The following AFF2 variants were observed in gnomAD, a reference collection of about 807,000 sequenced individuals.
The protein encoded by AFF2 is ALF transcription elongation factor 2, also known as AF4/FMR2 family member 2.
A neutral mutation model predicts 76.9 loss-of-function variants in AFF2; 14 were observed. The observed-to-expected ratio is 0.18, with a 90% CI of 0.12 to 0.28. AFF2 has a LOEUF of 0.28. AFF2 is among the 10% of genes least tolerant of loss of function. AFF2 has a pLI of 1.00. For missense variants in AFF2, 868 were observed against 1,001.1 expected (o/e 0.87, Z 1.79); for synonymous variants, 398 against 366.7 (o/e 1.09, Z -0.98).
intron 3 of AFF2, among the ~76,000 whole-genome samples, chrX:148,780,606 T>C (rs2069730250): frequency 1.8e-5 from 2 of 111,953 alleles, no homozygotes; most frequent in Admixed American, 9.5e-5. Context: ...ATAAGGTCAT[T>C]TATGTTCTTC....
At chrX:148,748,480 C>T (rs2055453401) in intron 3 of AFF2, among the ~76,000 whole-genome samples, 1 of 111,969 alleles carries the variant, frequency 8.9e-6, no homozygotes, top group Admixed American at 9.5e-5. Context: ...AGCTTAAATA[C>T]TCCCGAAGAG....
intron 8 of AFF2, among the ~76,000 whole-genome samples, chrX:148,895,124 T>G (rs1041698067): frequency 1.8e-5 from 2 of 111,034 alleles, no homozygotes; most frequent in Non-Finnish European, 3.8e-5. Flanking sequence ...CCCTGTAGCC[T>G]TTTCCGAGTG....
chrX:148,668,108 G>A (rs1379205895), intron 3 of AFF2, among the ~76,000 whole-genome samples: 1 of 113,030 alleles, frequency 8.8e-6, no homozygotes, highest in Non-Finnish European at 1.9e-5. Context: ...CAGGCCCCAT[G>A]CAAGTCCAAA....
At position 148,662,010 on chromosome X, in the gene AFF2, G is replaced by A; in HGVS notation, c.283G>A (p.Val95Met). 1.7e-6 allele frequency: 2 copies of A among 1,210,261 alleles called. No individual in the cohort carries two copies. The highest frequency in any genetic ancestry group is 2.2e-6 in the Non-Finnish European group (2 of 894,132). ...TAACCATTCTAATCAGAATCACCTA[G>A]TGGGAATTCCAAAGAATTCTGTGCC... ...LTNHSNQNHL[V>M]GIPKNSVPQN... The change falls in exon 3 of 21, where the codon GTG (valine) becomes ATG (methionine). Residue 95 changes from valine to methionine, a missense_variant. Physicochemically the swap from Val to Met is conservative, Grantham distance 21. Coordinates refer to ENST00000370460, the MANE Select transcript of AFF2 (RefSeq NM_002025.4).
intron 13 of AFF2, among the ~76,000 whole-genome samples, chrX:148,964,562 C>A (rs1268497938): frequency 8.9e-6 from 1 of 111,732 alleles, no homozygotes; most frequent in Non-Finnish European, 1.9e-5. Context: ...CCATGTGATT[C>A]CGTTGACATG....
intron 9 of AFF2, among the ~76,000 whole-genome samples, chrX:148,913,707 C>T (rs2071496333): frequency 8.9e-6 from 1 of 112,063 alleles, no homozygotes; most frequent in Non-Finnish European, 1.9e-5. Flanking sequence ...TAAAATACTG[C>T]CTGGTCCACG....
intron 7 of AFF2, among the ~76,000 whole-genome samples, chrX:148,871,166 G>A (rs782597263): frequency 4.7e-4 from 52 of 111,331 alleles, no homozygotes; most frequent in Non-Finnish European, 1.5e-4. Flanking sequence ...AAGGTTAGAC[G>A]ACAGACAACC....
Position 148,919,517 on chromosome X carries a change from G to A in AFF2, c.1397+15259G>A, listed in dbSNP as rs188726445. Among the ~76,000 whole-genome samples the A allele has an allele frequency of 1.2e-3, 130 of 109,553 alleles. 1 individual carries two copies. The highest frequency in any genetic ancestry group is 4.3e-3 in the African/African-American group (129 of 30,343). On this transcript the variant is annotated intron_variant, in intron 9 of 20. Coordinates refer to ENST00000370460, the MANE Select transcript of AFF2 (RefSeq NM_002025.4). ...CTGAAACCTCATCCTTGAAATAATT[G>A]TTACTGCTATAAAATTTTTACATAT...
intron 4 of AFF2, among the ~76,000 whole-genome samples, chrX:148,832,186 A>AGGAG (rs1183661060): frequency 1.8e-5 from 2 of 111,910 alleles, no homozygotes; most frequent in East Asian, 2.8e-4. Flanking sequence ...GAAGGAAGGA[A>AGGAG]GGAGGGAGGA....
rs1190968758 is a variant in AFF2, at chrX:148,995,246, GTGGCATC to G, written c.*3917_*3923del. 9.0e-6 allele frequency: 1 copy of G among 110,674 alleles called. No homozygotes were observed. The highest frequency in any genetic ancestry group is 1.9e-5 in the Non-Finnish European group (1 of 52,876). The allele number at this position is 110,674 out of a possible 1,213,427, so 9.1% of individuals were successfully genotyped here. ...GTGTTAGTAGACTCCAACAACAGAA[GTGGCATC>G]TGTGTATTCATAATCAGCATTTACC... is the stretch of plus-strand genomic sequence containing the variant. On this transcript the variant is annotated 3_prime_UTR_variant, in exon 21 of 21. Transcript: ENST00000370460.
intron 7 of AFF2, among the ~76,000 whole-genome samples, chrX:148,880,064 C>T (rs1314591802): frequency 8.9e-6 from 1 of 112,292 alleles, no homozygotes; most frequent in Non-Finnish European, 1.9e-5. Flanking sequence ...TAGGGGTCCA[C>T]CCCTGATAGA....
chrX:148,924,541 C>T (rs1371847663), intron 9 of AFF2, among the ~76,000 whole-genome samples: 8 of 111,881 alleles, frequency 7.2e-5, no homozygotes, highest in Non-Finnish European at 1.3e-4. Flanking sequence ...AAACATTCTC[C>T]TTAATTTGAT....
At chrX:148,538,702 G>A (rs1438667088) in intron 1 of AFF2, among the ~76,000 whole-genome samples, 9 of 111,961 alleles carry the variant, frequency 8.0e-5, no homozygotes, top group Admixed American at 6.6e-4. Context: ...CAAGTGCTTT[G>A]CATGTCTTGT....
rs1199922540 is a variant in AFF2 at position 148,753,382 on chromosome X, G to C, written c.1042-56494G>C. On this transcript the variant is annotated intron_variant, in intron 3 of 20. Coordinates refer to ENST00000370460, the MANE Select transcript of AFF2 (RefSeq NM_002025.4). ...TTTGCTGAGAAAATTATAAGCTGTG[G>C]AGTAAATTTTAAGTGCAATTATATA... 6.3e-5 allele frequency among the ~76,000 whole-genome samples: 7 copies of C among 111,566 alleles called. No individual in the cohort carries two copies. The South Asian group carries it at 2.6e-3, about 42-fold the overall frequency.
intron 1 of AFF2, among the ~76,000 whole-genome samples, chrX:148,586,340 T>C (rs1207174826): frequency 8.9e-6 from 1 of 112,296 alleles, no homozygotes; most frequent in Non-Finnish European, 1.9e-5. Flanking sequence ...GAAGATAATC[T>C]CAGCTGCGCC....
chrX:148,542,411 C>T (rs2052869079), intron 1 of AFF2, among the ~76,000 whole-genome samples: 1 of 110,885 alleles, frequency 9.0e-6, no homozygotes, highest in African/African-American at 3.3e-5. Context: ...AAATTTGGGA[C>T]CCAGAACCAG....
chrX:148,511,135 A>G (rs1292018944), intron 1 of AFF2, among the ~76,000 whole-genome samples: 1 of 111,856 alleles, frequency 8.9e-6, no homozygotes, highest in Non-Finnish European at 1.9e-5. Context: ...CCCTAAACTT[A>G]TCAGATTTGT....
At chrX:148,748,743 G>A (rs1311766050) in intron 3 of AFF2, among the ~76,000 whole-genome samples, 1 of 111,576 alleles carries the variant, frequency 9.0e-6, no homozygotes, top group Admixed American at 9.5e-5. Context: ...TGGGAAAAAT[G>A]GTTGGCATTC....
chrX:148,719,474 T>C (rs894479734), intron 3 of AFF2, among the ~76,000 whole-genome samples: 4 of 111,806 alleles, frequency 3.6e-5, no homozygotes, highest in Non-Finnish European at 1.9e-5. Context: ...AATGCTTCAC[T>C]GACTGTCCCT....
Sources: allele counts gnomAD v4.1 joint callset (sites outside exome capture counted in the v4.1 genomes callset), GRCh38; gene constraint gnomAD v4.1.1; transcripts MANE v1.5; gene names NCBI Gene and HGNC (gene_info 2026-07-23, HGNC 2026-07-21).